Variants in ZBTB16 observed in about 807,000 individuals in gnomAD.
ZBTB16 encodes the protein zinc finger and BTB domain containing 16.
ZBTB16 carries 8 observed loss-of-function variants against 56.8 expected under a neutral mutation model. The observed-to-expected ratio is 0.14, with a 90% CI of 0.08 to 0.25. The LOEUF (loss-of-function observed/expected upper bound fraction) is 0.25. Ranked by LOEUF, ZBTB16 falls within the 10% of genes least tolerant of loss-of-function variation. The pLI is 1.00. For missense variants in ZBTB16, 625 were observed against 903.0 expected, an observed-to-expected ratio of 0.69 and a Z score of 3.95; for synonymous variants, 363 against 368.5, an observed-to-expected ratio of 0.98 and a Z score of 0.17.
intron 2 of ZBTB16, among the ~76,000 whole-genome samples, chr11:114,093,337 T>TG (rs111607595): frequency 0.17 from 25,749 of 150,436 alleles, 2,454 homozygotes; most frequent in Middle Eastern, 0.27. Context: ...GCTGGGGGTG[T>TG]GGAGGGGGGA....
intron 4 of ZBTB16, among the ~76,000 whole-genome samples, chr11:114,239,067 T>C (rs903369136): frequency 6.6e-6 from 1 of 152,114 alleles, no homozygotes; most frequent in Non-Finnish European, 1.5e-5. Context: ...TGAATGGACA[T>C]GAAGTGGGTT....
intron 2 of ZBTB16, among the ~76,000 whole-genome samples, chr11:114,111,339 A>G (rs929885745): frequency 1.3e-5 from 2 of 152,164 alleles, no homozygotes; most frequent in Non-Finnish European, 2.9e-5. Context: ...AAGCCAACCT[A>G]TATAATTGGC....
rs1943945622 is a variant in ZBTB16, at chr11:114,209,022, C to T, written c.1453+21984C>T. On this transcript the variant is annotated intron_variant, in intron 4 of 6. Transcript: ENST00000335953. ...AACTGTGTAATTCCCTTGTAAATCT[C>T]ATTCATTCAATGGGATTTGAGAACC... is the stretch of plus-strand genomic sequence containing the variant. Among the ~76,000 whole-genome samples the T allele has an allele frequency of 2.0e-5, 3 of 152,214 alleles. No homozygotes were observed. In the South Asian group the frequency reaches 6.2e-4, roughly 32 times the overall value.
In ZBTB16 at chr11:114,250,600, A is replaced by T; in HGVS notation, c.*45A>T. ...GAGCCGAGCGGGGAGCCAGGAAAGA[A>T]GAGTTGGAGTGAGATGAAGGAAGGA... On this transcript the variant is annotated 3_prime_UTR_variant, in exon 7 of 7. Coordinates refer to ENST00000335953, the MANE Select transcript of ZBTB16 (RefSeq NM_006006.6). This position sits in a 1 kb window ranked among gnomAD's most constrained non-coding sequence, Gnocchi z 6.0. 6.3e-7 allele frequency: 1 copy of T among 1,592,494 alleles called. No homozygotes were observed. Among genetic ancestry groups the T allele is most frequent in the Non-Finnish European group, 8.6e-7 (1 of 1,161,074 alleles).
At chr11:114,095,323 C>T (rs1334160277) in intron 2 of ZBTB16, among the ~76,000 whole-genome samples, 1 of 133,024 alleles carries the variant, frequency 7.5e-6, no homozygotes, top group Non-Finnish European at 1.5e-5. Flanking sequence ...TGCAGTGGCT[C>T]GATCTCGGCT....
intron 2 of ZBTB16, among the ~76,000 whole-genome samples, chr11:114,067,174 C>T (rs570168274): frequency 2.6e-5 from 4 of 152,226 alleles, no homozygotes; most frequent in Admixed American, 6.5e-5. Flanking sequence ...GTCACCGCAG[C>T]GGTGGAGAAC....
At chr11:114,167,184 G>T (rs1942780996) in intron 3 of ZBTB16, among the ~76,000 whole-genome samples, 1 of 149,140 alleles carries the variant, frequency 6.7e-6, no homozygotes. Context: ...AAAATAGATT[G>T]GAGAGGAGCC....
chr11:114,170,503 A>C (rs1044184696), intron 3 of ZBTB16, among the ~76,000 whole-genome samples: 3 of 152,240 alleles, frequency 2.0e-5, no homozygotes, highest in African/African-American at 4.8e-5. Flanking sequence ...GGCTCTCTCC[A>C]GGATTCAACC....
chr11:114,085,548 A>G (rs1299190276), intron 2 of ZBTB16, among the ~76,000 whole-genome samples: 1 of 152,144 alleles, frequency 6.6e-6, no homozygotes, highest in African/African-American at 2.4e-5. Context: ...ATGATTAAAT[A>G]TTATATAAGT....
At chr11:114,072,868 C>T (rs946248448) in intron 2 of ZBTB16, among the ~76,000 whole-genome samples, 8 of 151,916 alleles carry the variant, frequency 5.3e-5, no homozygotes, top group Admixed American at 4.6e-4. Flanking sequence ...CTGGCTAACA[C>T]AGTGAAACCC....
At chr11:114,228,691 C>T (rs1352042589) in intron 4 of ZBTB16, among the ~76,000 whole-genome samples, 1 of 152,188 alleles carries the variant, frequency 6.6e-6, no homozygotes, top group Non-Finnish European at 1.5e-5. Context: ...AGGAGCCCAG[C>T]CAAGGGGAAA....
At chr11:114,141,519 A>G (rs1241999657) in intron 2 of ZBTB16, among the ~76,000 whole-genome samples, 1 of 152,222 alleles carries the variant, frequency 6.6e-6, no homozygotes, top group Non-Finnish European at 1.5e-5. Context: ...TATCATAAAG[A>G]CATTATGTTC....
In ZBTB16 at chr11:114,063,376, C is replaced by A; in HGVS notation, c.76C>A (p.Gln26Lys). Residue 26 changes from glutamine to lysine, a missense_variant, in exon 2 of 7, where the codon CAG (glutamine) becomes AAG (lysine). By Grantham distance (53) the Gln-to-Lys change is moderately conservative (BLOSUM62 1). This residue lies in a region of ZBTB16 where 54 missense variants were observed against 159.4 expected (regional missense o/e 0.34). Transcript: ENST00000335953. This position sits in a 1 kb window ranked among gnomAD's most constrained non-coding sequence, Gnocchi z 6.5. ...CACGGGGCTACTGTGCAAGGCCAAC[C>A]AGATGCGGCTGGCCGGGACTTTGTG... ...HPTGLLCKAN[Q>K]MRLAGTLCDV... The A allele has an allele frequency of 6.2e-7, 1 of 1,614,174 alleles. No homozygotes were observed. Among genetic ancestry groups the A allele is most frequent in the East Asian group, 2.2e-5 (1 of 44,876 alleles).
At chr11:114,230,692 C>T (rs944852030) in intron 4 of ZBTB16, among the ~76,000 whole-genome samples, 3 of 151,548 alleles carry the variant, frequency 2.0e-5, no homozygotes, top group Non-Finnish European at 4.4e-5. Context: ...ACATCCTCTC[C>T]TTTTTTGTTA....
chr11:114,095,556 G>A (rs752407556), intron 2 of ZBTB16, among the ~76,000 whole-genome samples: 7 of 152,128 alleles, frequency 4.6e-5, no homozygotes, highest in African/African-American at 1.4e-4. Context: ...CACCACGCCC[G>A]GCCACCAATT....
At chr11:114,185,046 CA>C (rs1211532981) in intron 3 of ZBTB16, among the ~76,000 whole-genome samples, 1 of 151,582 alleles carries the variant, frequency 6.6e-6, no homozygotes, top group African/African-American at 2.4e-5. Context: ...ATAAAATAAA[CA>C]AAAAAACAGA....
chr11:114,220,397 G>A (rs991518351), intron 4 of ZBTB16, among the ~76,000 whole-genome samples: 5 of 152,210 alleles, frequency 3.3e-5, no homozygotes, highest in Non-Finnish European at 7.3e-5. Context: ...ATGCATGTGA[G>A]TGTGTGTAAA....
At chr11:114,175,437 C>T (rs1943084255) in intron 3 of ZBTB16, among the ~76,000 whole-genome samples, 2 of 152,116 alleles carry the variant, frequency 1.3e-5, no homozygotes, top group South Asian at 4.1e-4. Context: ...CTAAGATTAC[C>T]CCCCATTTTA....
At chr11:114,234,033 C>T (rs559125909) in intron 4 of ZBTB16, among the ~76,000 whole-genome samples, 24 of 152,344 alleles carry the variant, frequency 1.6e-4, no homozygotes, top group African/African-American at 5.3e-4. Flanking sequence ...ATCAGCTGCT[C>T]AAACTCCTCC....
Sources: gnomAD v4.1 joint callset for allele counts (sites outside exome capture counted in the v4.1 genomes callset) on GRCh38, gnomAD v4.1.1 for gene constraint, gnomAD v4.1.1 regional missense constraint, Gnocchi (gnomAD v3.1) non-coding constraint, MANE v1.5 for transcripts, NCBI Gene and HGNC (gene_info 2026-07-23, HGNC 2026-07-21) for gene names.